USP50: variants seen among roughly 807,000 people sequenced by gnomAD.
The protein encoded by USP50 is ubiquitin carboxyl-terminal hydrolase 50.
Under a neutral mutation model 39.2 loss-of-function variants are expected in USP50, and 37 were observed. The ratio of observed to expected loss-of-function variants is 0.94; its 90% CI spans 0.73 to 1.24. USP50 has a LOEUF of 1.24. Ranked by LOEUF, USP50 falls within the 50% of genes most tolerant of loss-of-function variation. The pLI is 0.00. For missense variants in USP50, 374 were observed against 398.2 expected, an observed-to-expected ratio of 0.94 and a Z score of 0.52; for synonymous variants, 139 against 144.5, an observed-to-expected ratio of 0.96 and a Z score of 0.27.
At chr15:50,516,657 G>A (rs1156299467) in intron 6 of USP50, among the ~76,000 whole-genome samples, 5 of 151,972 alleles carry the variant, frequency 3.3e-5, no homozygotes, top group Middle Eastern at 3.4e-3. Context: ...TACTAGCTAC[G>A]AGAGGCAGTA....
intron 6 of USP50, chr15:50,504,317 G>C (rs2052628658): frequency 6.6e-6 from 1 of 152,308 alleles, no homozygotes; most frequent in Admixed American, 6.5e-5. Flanking sequence ...CTTGAGCCCA[G>C]GAGTTGTAGA....
At chr15:50,518,485 A>G (rs750677766) in intron 6 of USP50, among the ~76,000 whole-genome samples, 1 of 152,100 alleles carries the variant, frequency 6.6e-6, no homozygotes, top group Non-Finnish European at 1.5e-5. Context: ...TGCTGGGATT[A>G]CAGGCATGAG....
At chr15:50,528,860 T>C (rs2052918494) in intron 6 of USP50, among the ~76,000 whole-genome samples, 1 of 152,148 alleles carries the variant, frequency 6.6e-6, no homozygotes, top group Non-Finnish European at 1.5e-5. Context: ...CTCTGGTGAA[T>C]CCTACTGGGC....
At position 50,495,487 on chromosome 15, in the gene USP50, G is replaced by GGC. The variant is rs1006435631; in HGVS notation, n.185-1358_185-1357insGC. The stretch of plus-strand genomic sequence containing the variant: ...TTTTCTTTTTTTAGTAGAGATTGGA[G>GGC]GGGGGGGTCTCACTATGTTGCACAA... On this transcript the variant is annotated intron_variant and non_coding_transcript_variant, in intron 1 of 1. Coordinates refer to the USP50 transcript ENST00000560159. 2.3e-4 allele frequency among the ~76,000 whole-genome samples: 28 copies of GGC among 123,770 alleles called. 4 individuals carry two copies. The highest frequency in any genetic ancestry group is 8.9e-4 in the African/African-American group (27 of 30,268). 81.2% of individuals were successfully genotyped at this position (123,770 alleles called of 152,430 possible).
intron 1 of USP50, among the ~76,000 whole-genome samples, chr15:50,494,500 C>T (rs1191751107): frequency 1.3e-5 from 2 of 152,052 alleles, no homozygotes; most frequent in Admixed American, 1.3e-4. Context: ...GAGAAATTTG[C>T]AAATGTTAAA....
At chr15:50,534,645 A>G (rs1367432928) in intron 5 of USP50, among the ~76,000 whole-genome samples, 1 of 152,202 alleles carries the variant, frequency 6.6e-6, no homozygotes, top group Non-Finnish European at 1.5e-5. Context: ...AGACACACAG[A>G]GCCTAAAAGT....
chr15:50,538,115 A>G (rs1400996750), intron 5 of USP50, among the ~76,000 whole-genome samples: 3 of 150,808 alleles, frequency 2.0e-5, no homozygotes, highest in Non-Finnish European at 4.4e-5. Flanking sequence ...GTTTACCAAA[A>G]ATACAAAAAA....
At chr15:50,536,903 A>G (rs372763542) in intron 5 of USP50, among the ~76,000 whole-genome samples, 9 of 152,174 alleles carry the variant, frequency 5.9e-5, no homozygotes, top group Admixed American at 2.6e-4. Flanking sequence ...TGCAATCCCA[A>G]TCAAAATCCC....
downstream of USP50, chr15:50,498,869 G>A: frequency 1.9e-6 from 3 of 1,565,988 alleles, no homozygotes; most frequent in Non-Finnish European, 2.6e-6. Context: ...AATTTTAACT[G>A]AATTGATTTT....
intron 6 of USP50, chr15:50,501,135 C>G (rs1338381076): frequency 1.8e-5 from 5 of 281,884 alleles, no homozygotes. Flanking sequence ...TATACATCAA[C>G]TATTAAGCAT....
In USP50 at chr15:50,500,939, T is replaced by A. The variant is rs141504618; in HGVS notation, c.937-102A>T. ...AGATGCTTTTTAAATTGTCCCTTAT[T>A]CTAAATTAAAAGGAAGTGATAATTT... On this transcript the variant is annotated intron_variant, in intron 6 of 6. Transcript: ENST00000532404. 1.1e-4 allele frequency: 107 copies of A among 991,856 alleles called. 1 individual carries two copies. In the African/African-American group the frequency reaches 1.4e-3, roughly 13 times the overall value. The allele number at this position is 991,856 out of a possible 1,614,324, so 61.4% of individuals were successfully genotyped here.
chr15:50,514,436 A>G (rs1245241360), intron 6 of USP50: 1 of 152,118 alleles, frequency 6.6e-6, no homozygotes, highest in East Asian at 1.9e-4. Flanking sequence ...AGTGTCTCAT[A>G]CCTGTATTCC....
At chr15:50,506,098 T>TACTTTAGTAAATACTAAAATACTA (rs1396702076) in intron 6 of USP50, 4 of 152,192 alleles carry the variant, frequency 2.6e-5, no homozygotes, top group African/African-American at 7.2e-5. Context: ...TTTTTTAGCA[T>TACTTTAGTAAATACTAAAATACTA]AATTACTAAA....
chr15:50,500,955 G>GTGA lies in USP50; in HGVS notation c.937-121_937-119dup, dbSNP rs762541430. The GTGA allele has an allele frequency of 8.7e-5, 77 of 881,920 alleles. 1 individual carries two copies. The highest frequency in any genetic ancestry group is 1.2e-4 in the Non-Finnish European group (66 of 561,860). 54.6% of individuals were successfully genotyped at this position (881,920 alleles called of 1,614,324 possible). On this transcript the variant is annotated intron_variant, in intron 6 of 6. Transcript: ENST00000532404. Reference sequence around the variant, plus strand: ...GTCCCTTATTCTAAATTAAAAGGAAGTGATAATTTTGTTGTTAAATCATGC... The same window carrying GTGA: ...GTCCCTTATTCTAAATTAAAAGGAAGTGATGATAATTTTGTTGTTAAATCATGC...
At chr15:50,529,650 T>C in intron 6 of USP50, 147 bp downstream of exon 6, 1 of 799,158 alleles carries the variant, frequency 1.3e-6, no homozygotes, top group South Asian at 2.0e-5. Flanking sequence ...CCTCTACTTG[T>C]CTAGGTCAAA....
downstream of USP50, chr15:50,498,286 A>G: frequency 4.6e-6 from 1 of 215,900 alleles, no homozygotes; most frequent in South Asian, 1.7e-4. Context: ...TCAGCATTAT[A>G]AACATGTGGG....
intron 6 of USP50, among the ~76,000 whole-genome samples, chr15:50,528,968 TC>T (rs2052919136): frequency 6.6e-6 from 1 of 152,176 alleles, no homozygotes. Flanking sequence ...AACACCGTGA[TC>T]CAGAACAGAA....
chr15:50,509,919 G>T (rs1316560636), intron 6 of USP50: 1 of 152,048 alleles, frequency 6.6e-6, no homozygotes, highest in Non-Finnish European at 1.5e-5. Flanking sequence ...TGAAAAATAA[G>T]AATAAAGTTG....
At chr15:50,534,402 T>C (rs1335576591) in intron 5 of USP50, among the ~76,000 whole-genome samples, 1 of 151,982 alleles carries the variant, frequency 6.6e-6, no homozygotes, top group Non-Finnish European at 1.5e-5. Flanking sequence ...TATAAGATGC[T>C]CAGTAAAACC....
Sources: allele counts gnomAD v4.1 joint callset (sites outside exome capture counted in the v4.1 genomes callset), GRCh38; gene constraint gnomAD v4.1.1; transcripts MANE v1.5; gene names NCBI Gene and HGNC (gene_info 2026-07-23, HGNC 2026-07-21).